CDH12: variants seen among roughly 807,000 people sequenced by gnomAD.
The protein encoded by CDH12 is cadherin 12.
A neutral mutation model predicts 74.1 loss-of-function variants in CDH12; 41 were observed. The ratio of observed to expected loss-of-function variants is 0.55; its 90% CI spans 0.43 to 0.72. The LOEUF is 0.72. Among genes scored for constraint, CDH12 ranks in the 30% least tolerant of loss-of-function variants. The probability of loss-of-function intolerance (pLI) is 0.00; values close to 1 mark genes in which losing one functional copy is unlikely to be tolerated. For synonymous variants in CDH12, 399 were observed against 355.0 expected, an observed-to-expected ratio of 1.12 and a Z score of -1.39; for missense variants, 945 against 977.2, an observed-to-expected ratio of 0.97 and a Z score of 0.44.
chr5:22,083,782 C>T (rs1184711852), intron 4 of CDH12, among the ~76,000 whole-genome samples: 5 of 151,918 alleles, frequency 3.3e-5, no homozygotes, highest in African/African-American at 9.7e-5. Context: ...ACGGTGTTGC[C>T]CCTCTGTTAA....
intron 13 of CDH12, 99 bp from the exon 14 acceptor site, chr5:21,755,941 A>G: frequency 9.2e-7 from 1 of 1,090,378 alleles, no homozygotes; most frequent in Middle Eastern, 2.1e-4. Context: ...TTCTTGAATC[A>G]GGAAAATGGA....
chr5:22,635,621 C>T (rs1357445066), intron 1 of CDH12, among the ~76,000 whole-genome samples: 1 of 152,046 alleles, frequency 6.6e-6, no homozygotes, highest in African/African-American at 2.4e-5. Context: ...AATAAATATA[C>T]AAATATTTTC....
At chr5:21,901,566 GCTTT>G (rs1410295651) in intron 6 of CDH12, among the ~76,000 whole-genome samples, 2 of 152,102 alleles carry the variant, frequency 1.3e-5, no homozygotes, top group African/African-American at 4.8e-5. Flanking sequence ...CTGCTTCAAT[GCTTT>G]CTGATTTCAT....
chr5:22,845,556 A>G (rs1189283362), intron 1 of CDH12, among the ~76,000 whole-genome samples: 3 of 152,182 alleles, frequency 2.0e-5, no homozygotes, highest in Admixed American at 1.3e-4. Context: ...TTGCATCATC[A>G]TATGATATGA....
chr5:22,318,988 A>G (rs1738748694), intron 3 of CDH12, among the ~76,000 whole-genome samples: 1 of 152,176 alleles, frequency 6.6e-6, no homozygotes, highest in Non-Finnish European at 1.5e-5. Context: ...AAAAAGCATA[A>G]GATTGTTTAT....
chr5:22,402,665 A>G (rs2126451575), intron 3 of CDH12, among the ~76,000 whole-genome samples: 1 of 152,316 alleles, frequency 6.6e-6, no homozygotes, highest in South Asian at 2.1e-4. Flanking sequence ...TAGCATATCT[A>G]CGTTGCAAAG....
At chr5:22,699,516 T>C (rs1394909957) in intron 1 of CDH12, among the ~76,000 whole-genome samples, 1 of 152,162 alleles carries the variant, frequency 6.6e-6, no homozygotes, top group Non-Finnish European at 1.5e-5. Context: ...TAGTGCCCCC[T>C]GGAGAAGACC....
intron 7 of CDH12, among the ~76,000 whole-genome samples, chr5:21,851,693 A>T (rs1198878979): frequency 6.6e-6 from 1 of 151,352 alleles, no homozygotes; most frequent in Non-Finnish European, 1.5e-5. Context: ...TGATTTTAAA[A>T]GAACTATTAT....
chr5:22,117,722 A>G (rs1252226664), intron 4 of CDH12, among the ~76,000 whole-genome samples: 1 of 150,434 alleles, frequency 6.6e-6, no homozygotes, highest in Non-Finnish European at 1.5e-5. Flanking sequence ...ATGTGAGACA[A>G]AAATTCTGAT....
chr5:21,843,690 T>C (rs1237210609), intron 7 of CDH12, among the ~76,000 whole-genome samples: 1 of 152,104 alleles, frequency 6.6e-6, no homozygotes, highest in Non-Finnish European at 1.5e-5. Context: ...TATTTTGTAT[T>C]TTAGTAGAGA....
At chr5:22,460,713 AT>A (rs3039460) in intron 2 of CDH12, among the ~76,000 whole-genome samples, 1,318 of 85,544 alleles carry the variant, frequency 0.015, 7 homozygotes, top group Non-Finnish European at 0.019. Flanking sequence ...ATATCTAGCA[AT>A]TTTTTTTTTT....
intron 5 of CDH12, among the ~76,000 whole-genome samples, chr5:22,021,409 T>G (rs925988559): frequency 1.4e-4 from 21 of 152,164 alleles, no homozygotes; most frequent in Non-Finnish European, 8.8e-5. Context: ...CAGTCAAAAA[T>G]GTGAACAAAG....
intron 4 of CDH12, among the ~76,000 whole-genome samples, chr5:22,117,539 TATA>T (rs1401715443): frequency 3.8e-5 from 4 of 106,390 alleles, no homozygotes; most frequent in Non-Finnish European, 5.5e-5. Flanking sequence ...TATATATATA[TATA>T]GTGTGTGCGT....
chr5:21,938,723 C>CATAT (rs545475183), intron 6 of CDH12, among the ~76,000 whole-genome samples: 6,734 of 111,922 alleles, frequency 0.06, 334 homozygotes, highest in South Asian at 0.067. Flanking sequence ...ATATAATATA[C>CATAT]ATATATATAT....
intron 9 of CDH12, among the ~76,000 whole-genome samples, chr5:21,803,936 A>G (rs1310385947): frequency 6.6e-6 from 1 of 152,154 alleles, no homozygotes; most frequent in Admixed American, 6.6e-5. Flanking sequence ...AAAACTCACA[A>G]TTTCATGGAA....
intron 1 of CDH12, among the ~76,000 whole-genome samples, chr5:22,743,732 T>C (rs183625615): frequency 4.4e-4 from 67 of 152,312 alleles, no homozygotes; most frequent in African/African-American, 1.5e-3. Context: ...TTTAAAAATC[T>C]TTGTTTGGCA....
At chr5:21,988,214 T>C (rs1414948999) in intron 5 of CDH12, among the ~76,000 whole-genome samples, 2 of 152,110 alleles carry the variant, frequency 1.3e-5, no homozygotes, top group East Asian at 1.9e-4. Flanking sequence ...AATGCCTGCC[T>C]GGCGTTGCGG....
At chr5:21,913,149 T>C (rs773556082) in intron 6 of CDH12, among the ~76,000 whole-genome samples, 5 of 152,190 alleles carry the variant, frequency 3.3e-5, no homozygotes, top group Non-Finnish European at 5.9e-5. Context: ...GGTCAGGTTC[T>C]GGTTTCTATG....
In CDH12 at chr5:21,858,322, A is replaced by G. The variant is rs190803995; in HGVS notation, c.527-3532T>C. 4.6e-5 allele frequency among the ~76,000 whole-genome samples: 7 copies of G among 152,038 alleles called. No homozygotes were observed. In the South Asian group the frequency reaches 1.4e-3, roughly 31 times the overall value. Reference sequence around the variant, plus strand: ...TGATCTCAGTAATTCGCAAGCAAACATTCATATCATAATAAAACTCTGATA... The same window carrying G: ...TGATCTCAGTAATTCGCAAGCAAACGTTCATATCATAATAAAACTCTGATA... On this transcript the variant is annotated intron_variant, in intron 6 of 14. Transcript: ENST00000382254.
Sources: allele counts gnomAD v4.1 joint callset (sites outside exome capture counted in the v4.1 genomes callset), GRCh38; gene constraint gnomAD v4.1.1; transcripts MANE v1.5; gene names NCBI Gene and HGNC (gene_info 2026-07-23, HGNC 2026-07-21).